PODXL2: variants seen among roughly 807,000 people sequenced by gnomAD.
PODXL2 encodes podocalyxin-like protein 2.
Under a neutral mutation model 53.4 loss-of-function variants are expected in PODXL2, and 17 were observed. The ratio of observed to expected loss-of-function variants is 0.32; its 90% CI spans 0.22 to 0.48. PODXL2 has a LOEUF of 0.48. Among genes scored for constraint, PODXL2 ranks in the 20% least tolerant of loss-of-function variants. PODXL2 has a pLI of 0.99. For synonymous variants in PODXL2, 311 were observed against 306.7 expected (o/e 1.01, Z -0.15); for missense variants, 673 against 760.0 (o/e 0.89, Z 1.35).
chr3:127,663,800 A>C (rs938209554), intron 4 of PODXL2, among the ~76,000 whole-genome samples: 1 of 152,226 alleles, frequency 6.6e-6, no homozygotes, highest in African/African-American at 2.4e-5. Flanking sequence ...AAGACCACAG[A>C]TGGGTACTTG....
chr3:127,669,540 G>A (rs1459043575), intron 6 of PODXL2, among the ~76,000 whole-genome samples: 3 of 152,198 alleles, frequency 2.0e-5, no homozygotes, highest in African/African-American at 7.2e-5. Flanking sequence ...AGTTTTCTGG[G>A]TAGACAGTGG....
chr3:127,639,127 T>C (rs2074597072), intron 1 of PODXL2, 118 bp from the exon 2 acceptor site: 6 of 997,594 alleles, frequency 6.0e-6, no homozygotes. Flanking sequence ...TTTTCAGGAG[T>C]GTCCACTGAA....
intron 2 of PODXL2, among the ~76,000 whole-genome samples, chr3:127,648,697 C>G (rs2074670607): frequency 6.6e-6 from 1 of 151,002 alleles, no homozygotes; most frequent in South Asian, 2.1e-4. Flanking sequence ...CTCACTGCAA[C>G]CTCTGCTGCA....
At chr3:127,641,332 C>T (rs1218061699) in intron 2 of PODXL2, among the ~76,000 whole-genome samples, 4 of 152,114 alleles carry the variant, frequency 2.6e-5, no homozygotes, top group Non-Finnish European at 5.9e-5. Context: ...ACCTCAGCCT[C>T]GTAGGTAGCA....
At chr3:127,640,624 C>T (rs1026368110) in intron 2 of PODXL2, among the ~76,000 whole-genome samples, 1 of 152,004 alleles carries the variant, frequency 6.6e-6, no homozygotes, top group African/African-American at 2.4e-5. Flanking sequence ...TGGCTTGAAC[C>T]CGGGAGGTGG....
chr3:127,662,176 C>G lies in PODXL2; in HGVS notation c.1132-61C>G, dbSNP rs576338891. The G allele has an allele frequency of 3.4e-6, 5 of 1,458,472 alleles. No individual in the cohort carries two copies. In the African/African-American group the frequency reaches 5.5e-5, roughly 16 times the overall value. 90.3% of individuals were successfully genotyped at this position (1,458,472 alleles called of 1,614,324 possible). ...CCAAAAGGCCTCCGACCGGGGCTCT[C>G]TCCCCTGTCCCTTTCCTATGCCTTC... On this transcript the variant is annotated intron_variant, in intron 3 of 7. Coordinates refer to ENST00000342480, the MANE Select transcript of PODXL2 (RefSeq NM_015720.4).
At chr3:127,656,071 C>A (rs1279288113) in intron 2 of PODXL2, among the ~76,000 whole-genome samples, 1 of 152,204 alleles carries the variant, frequency 6.6e-6, no homozygotes, top group East Asian at 1.9e-4. Flanking sequence ...GGGCCAGGCA[C>A]TATGTTAGGT....
At chr3:127,631,067 T>C (rs2074542269) in intron 1 of PODXL2, among the ~76,000 whole-genome samples, 1 of 152,226 alleles carries the variant, frequency 6.6e-6, no homozygotes, top group Non-Finnish European at 1.5e-5. Context: ...TGTGCGTGTG[T>C]CTAGCAGTGT....
rs1004129833 is a variant in PODXL2, at chr3:127,672,701, C to G, written c.*221C>G. 1 of 443,480 alleles carries G rather than the reference C, an allele frequency of 2.3e-6. No homozygotes were observed. The highest frequency in any genetic ancestry group is 3.7e-5 in the East Asian group (1 of 26,992). The allele number at this position is 443,480 out of a possible 1,614,324, so 27.5% of individuals were successfully genotyped here. A position where few individuals can be genotyped will look rare whatever the true frequency, so the allele number is the denominator to read the frequency against. ...GCAGGCCTCAAAGCCCGCCTTGGCC[C>G]CGCTTTCCCGCCCCTGAACCCCGGC... On this transcript the variant is annotated 3_prime_UTR_variant, in exon 8 of 8. Coordinates refer to ENST00000342480, the MANE Select transcript of PODXL2 (RefSeq NM_015720.4).
At chr3:127,639,623 C>T in intron 2 of PODXL2, 100 bp downstream of exon 2, 1 of 1,154,346 alleles carries the variant, frequency 8.7e-7, no homozygotes, top group South Asian at 1.5e-5. Context: ...TCTTCTCTCT[C>T]CCTACAGTTT....
chr3:127,671,463 C>G lies in PODXL2; in HGVS notation c.1455C>G (p.Ser485Arg). 5.6e-6 allele frequency: 9 copies of G among 1,614,120 alleles called. No homozygotes were observed. Among genetic ancestry groups the G allele is most frequent in the Non-Finnish European group, 7.6e-6 (9 of 1,179,994 alleles). The change falls in exon 7 of 8, where the codon AGC becomes AGG. Residue 485 changes from serine (S) to arginine (R), a missense_variant. Physicochemically the swap from Ser to Arg is moderately radical, Grantham distance 110. Transcript: ENST00000342480. The part of the protein sequence containing the change: ...EIGIQNYSTT[S>R]SCQARASQVR... ...GCATCCAGAACTATTCCACAACCAG[C>G]AGCTGCCAGGCGCGGGCCAGCCAGG...
At chr3:127,653,570 C>A (rs1227796947) in intron 2 of PODXL2, among the ~76,000 whole-genome samples, 1 of 151,910 alleles carries the variant, frequency 6.6e-6, no homozygotes. Context: ...TGCTTGAACC[C>A]AGGAGGCGGA....
rs760816062 is a variant in PODXL2 at position 127,668,511 on chromosome 3, G to A, written c.1277G>A (p.Ser426Asn). 7 of 1,578,116 alleles carry A rather than the reference G, an allele frequency of 4.4e-6. No homozygotes were observed. Among genetic ancestry groups the A allele is most frequent in the East Asian group, 4.6e-5 (2 of 43,212 alleles). The change falls in exon 5 of 8, where the codon AGT becomes AAT. Residue 426 changes from serine to asparagine, a missense_variant. Coordinates refer to ENST00000342480, the MANE Select transcript of PODXL2 (RefSeq NM_015720.4). ...LVEEVLPRHG[S>N]GHHGAWHISL... ...GAAGAGGTGCTGCCCCGCCATGGCA[G>A]TGGCCACCATGGGGCCTGGCACATC...
At chr3:127,659,523 A>G (rs929836436) in intron 2 of PODXL2, among the ~76,000 whole-genome samples, 1 of 152,230 alleles carries the variant, frequency 6.6e-6, no homozygotes, top group African/African-American at 2.4e-5. Flanking sequence ...TTGAAACAAA[A>G]TGGCAGCCAA....
rs552276534 is a variant in PODXL2, at chr3:127,638,472, T to C, written c.71-773T>C. ...GCGCACGCCTGTAATGCCAGCACTTTGGGAGGCCTAGGAGGGCAGATCACT... is the reference window on the plus strand; with the variant it reads ...GCGCACGCCTGTAATGCCAGCACTTCGGGAGGCCTAGGAGGGCAGATCACT... On this transcript the variant is annotated intron_variant, in intron 1 of 7. Transcript: ENST00000342480. Among the ~76,000 whole-genome samples, 30 of 152,306 alleles carry C rather than the reference T, an allele frequency of 2.0e-4. 1 individual carries two copies. In the South Asian group the frequency reaches 6.2e-3, roughly 32 times the overall value.
chr3:127,669,316 A>G, intron 6 of PODXL2, 114 bp downstream of exon 6: 1 of 716,966 alleles, frequency 1.4e-6, no homozygotes, highest in Non-Finnish European at 2.3e-6. Context: ...TATAAGACAG[A>G]GCGTGCTCTG....
intron 2 of PODXL2, among the ~76,000 whole-genome samples, chr3:127,651,668 G>C (rs555708639): frequency 6.6e-6 from 1 of 152,362 alleles, no homozygotes; most frequent in South Asian, 2.1e-4. Context: ...GTCCCTTCCC[G>C]TGTTAGGACC....
At chr3:127,653,009 C>T (rs1489287480) in intron 2 of PODXL2, among the ~76,000 whole-genome samples, 1 of 152,080 alleles carries the variant, frequency 6.6e-6, no homozygotes, top group Non-Finnish European at 1.5e-5. Flanking sequence ...TCTCTTTACT[C>T]TCCTCATCTT....
At chr3:127,633,877 G>A (rs1044492498) in intron 1 of PODXL2, among the ~76,000 whole-genome samples, 1 of 151,698 alleles carries the variant, frequency 6.6e-6, no homozygotes, top group African/African-American at 2.4e-5. Flanking sequence ...GAATTAGCAG[G>A]TGGGTGGTGG....
Sources: gnomAD v4.1 joint callset for allele counts (sites outside exome capture counted in the v4.1 genomes callset) on GRCh38, gnomAD v4.1.1 for gene constraint, MANE v1.5 for transcripts, NCBI Gene and HGNC (gene_info 2026-07-23, HGNC 2026-07-21) for gene names.